The following ZFPM2 variants were observed in gnomAD, a reference collection of about 807,000 sequenced individuals.
ZFPM2 encodes zinc finger protein ZFPM2.
A neutral mutation model predicts 98.6 loss-of-function variants in ZFPM2; 20 were observed. The ratio of observed to expected loss-of-function variants is 0.20; its 90% confidence interval spans 0.14 to 0.29. ZFPM2 has a LOEUF of 0.29. Among genes scored for constraint, ZFPM2 ranks in the 10% least tolerant of loss-of-function variants. ZFPM2 has a pLI of 1.00. For missense variants in ZFPM2, 1,310 were observed against 1,388.6 expected (o/e 0.94, Z 0.90); for synonymous variants, 518 against 502.7 (o/e 1.03, Z -0.41).
intron 1 of ZFPM2, among the ~76,000 whole-genome samples, chr8:105,366,653 G>A (rs1280974904): frequency 2.7e-5 from 4 of 146,306 alleles, no homozygotes; most frequent in South Asian, 2.3e-4. Context: ...GTATCTCCCA[G>A]TGCTATCCCT....
At chr8:105,666,413 C>T (rs1817489715) in intron 5 of ZFPM2, among the ~76,000 whole-genome samples, 1 of 152,148 alleles carries the variant, frequency 6.6e-6, no homozygotes, top group African/African-American at 2.4e-5. Flanking sequence ...TGAATGCTCC[C>T]CAAAAGCACC....
chr8:105,799,080 G>A (rs1563571680), intron 7 of ZFPM2, 132 bp downstream of exon 7: 2 of 797,510 alleles, frequency 2.5e-6, no homozygotes, highest in Non-Finnish European at 3.8e-6. Flanking sequence ...AACTTTCTGG[G>A]TCAACCAGTG....
At position 105,448,853 on chromosome 8, in the gene ZFPM2, C is replaced by G. The variant is rs76063825; in HGVS notation, c.301+4472C>G. ...TAAGTGGTCTTCCCTTACCCTAGGACTGAACTTTGTTAAACACTTTTCACT... is the reference window on the plus strand; with the variant it reads ...TAAGTGGTCTTCCCTTACCCTAGGAGTGAACTTTGTTAAACACTTTTCACT... On this transcript the variant is annotated intron_variant, in intron 3 of 7. Coordinates refer to ENST00000407775, the MANE Select transcript of ZFPM2 (RefSeq NM_012082.4). Among the ~76,000 whole-genome samples the G allele has an allele frequency of 3.7e-3, 559 of 152,142 alleles. 7 individuals are homozygous for G. Among genetic ancestry groups the G allele is most frequent in the African/African-American group, 0.012 (518 of 41,552 alleles).
At chr8:105,346,719 G>C (rs903140562) in intron 1 of ZFPM2, among the ~76,000 whole-genome samples, 2 of 152,110 alleles carry the variant, frequency 1.3e-5, no homozygotes, top group Non-Finnish European at 2.9e-5. Context: ...TTCCATTTTG[G>C]AGACATTGTT....
At chr8:105,589,322 A>G (rs1815793892) in intron 4 of ZFPM2, among the ~76,000 whole-genome samples, 2 of 152,234 alleles carry the variant, frequency 1.3e-5, no homozygotes, top group African/African-American at 4.8e-5. Flanking sequence ...TTAAATGCAC[A>G]TAACAATACA....
chr8:105,377,632 A>C (rs1394581307), intron 1 of ZFPM2, among the ~76,000 whole-genome samples: 3 of 148,964 alleles, frequency 2.0e-5, no homozygotes, highest in Admixed American at 6.8e-5. Flanking sequence ...AAAAAAAAAA[A>C]AGCCAGATGT....
rs192316081 is a variant in ZFPM2, at chr8:105,384,181, G to T, written c.41-34963G>T. Among the ~76,000 whole-genome samples, 3 of 152,164 alleles carry T rather than the reference G, an allele frequency of 2.0e-5. No individual in the cohort carries two copies. In the East Asian group the frequency reaches 5.8e-4, roughly 29 times the overall value. Reference sequence around the variant, plus strand: ...CCTCCACATTCATTGTCTTAGGGATGGAATCACACATCAGAAACACTGAGA... The same window carrying T: ...CCTCCACATTCATTGTCTTAGGGATTGAATCACACATCAGAAACACTGAGA... On this transcript the variant is annotated intron_variant, in intron 1 of 7. Coordinates refer to ENST00000407775, the MANE Select transcript of ZFPM2 (RefSeq NM_012082.4).
chr8:105,547,817 A>G (rs936623335), intron 3 of ZFPM2, among the ~76,000 whole-genome samples: 5 of 152,160 alleles, frequency 3.3e-5, no homozygotes, highest in African/African-American at 1.2e-4. Context: ...CATAATTTCT[A>G]TCTTCTGATA....
In ZFPM2 at chr8:105,419,404, A is replaced by T. The variant is rs1811749656; in HGVS notation, c.199+102A>T. On this transcript the variant is annotated intron_variant, in intron 2 of 7. Coordinates refer to ENST00000407775, the MANE Select transcript of ZFPM2 (RefSeq NM_012082.4). ...TCCTCAGAGTGCTGACACATAATTC[A>T]GCCGTCTGAAAATAAGTGCAGATTT... The T allele has an allele frequency of 1.2e-5, 17 of 1,397,724 alleles. No individual in the cohort carries two copies. In the East Asian group the frequency reaches 4.2e-4, roughly 35 times the overall value. The allele number at this position is 1,397,724 out of a possible 1,614,324, so 86.6% of individuals were successfully genotyped here.
chr8:105,564,002 T>G (rs1450495797), intron 4 of ZFPM2, among the ~76,000 whole-genome samples: 1 of 152,208 alleles, frequency 6.6e-6, no homozygotes, highest in Non-Finnish European at 1.5e-5. Context: ...TTTTATGACA[T>G]TTTTACCATA....
At chr8:105,648,238 T>C (rs190842392) in intron 5 of ZFPM2, among the ~76,000 whole-genome samples, 86 of 152,344 alleles carry the variant, frequency 5.6e-4, no homozygotes, top group African/African-American at 1.8e-3. Flanking sequence ...TGCTTTTTTC[T>C]TGTAAATTTG....
chr8:105,773,671 AAAAT>A (rs1017527419), intron 5 of ZFPM2, among the ~76,000 whole-genome samples: 3 of 150,904 alleles, frequency 2.0e-5, no homozygotes, highest in African/African-American at 7.3e-5. Context: ...AAATAAAATA[AAAAT>A]AAATAAAAAA....
intron 5 of ZFPM2, among the ~76,000 whole-genome samples, chr8:105,779,179 GT>G (rs1813185977): frequency 6.6e-6 from 1 of 152,098 alleles, no homozygotes; most frequent in South Asian, 2.1e-4. Context: ...TTAGCTTAAA[GT>G]TTCACACTGA....
chr8:105,461,897 G>A (rs1178370934), intron 3 of ZFPM2, among the ~76,000 whole-genome samples: 2 of 152,002 alleles, frequency 1.3e-5, no homozygotes, highest in African/African-American at 4.8e-5. Flanking sequence ...AAGCAGCCTG[G>A]TCTCCGGAGA....
At chr8:105,700,963 C>T (rs1428977343) in intron 5 of ZFPM2, among the ~76,000 whole-genome samples, 1 of 152,058 alleles carries the variant, frequency 6.6e-6, no homozygotes, top group Admixed American at 6.6e-5. Context: ...CCATAACCTG[C>T]CATTGTCTTG....
intron 5 of ZFPM2, among the ~76,000 whole-genome samples, chr8:105,708,607 T>C (rs1359873240): frequency 6.6e-6 from 1 of 151,964 alleles, no homozygotes; most frequent in Non-Finnish European, 1.5e-5. Context: ...TTTATTTTAT[T>C]TTATTTTTGT....
chr8:105,456,724 G>A (rs1298328711), intron 3 of ZFPM2, among the ~76,000 whole-genome samples: 1 of 152,164 alleles, frequency 6.6e-6, no homozygotes, highest in East Asian at 1.9e-4. Context: ...CCAGGCTGGA[G>A]TGCAGTGGCA....
intron 4 of ZFPM2, among the ~76,000 whole-genome samples, chr8:105,572,907 T>G (rs573423890): frequency 1.6e-4 from 24 of 152,220 alleles, no homozygotes; most frequent in Non-Finnish European, 2.9e-4. Context: ...CTTTCTATTT[T>G]TTAATGGCAG....
chr8:105,602,762 A>G (rs1387533443), intron 4 of ZFPM2, among the ~76,000 whole-genome samples: 2 of 152,062 alleles, frequency 1.3e-5, no homozygotes, highest in Admixed American at 6.6e-5. Context: ...AGCACTGAGT[A>G]TTTTATGTAA....
Sources: allele counts gnomAD v4.1 joint callset (sites outside exome capture counted in the v4.1 genomes callset), GRCh38; gene constraint gnomAD v4.1.1; transcripts MANE v1.5; gene names NCBI Gene and HGNC (gene_info 2026-07-23, HGNC 2026-07-21).